Variants in XPR1 observed in about 807,000 individuals in gnomAD.
XPR1 encodes the protein xenotropic and polytropic retrovirus receptor 1, also known as solute carrier family 53 member 1.
Under a neutral mutation model 87.5 loss-of-function variants are expected in XPR1, and 28 were observed. The ratio of observed to expected loss-of-function variants is 0.32; its 90% CI spans 0.24 to 0.44. The LOEUF is 0.44. XPR1 is among the 20% of genes least tolerant of loss of function. The pLI, the probability that XPR1 is intolerant of heterozygous loss-of-function variation, is 1.00. For synonymous variants in XPR1, 300 were observed against 306.1 expected (o/e 0.98, Z 0.21); for missense variants, 559 against 862.3 (o/e 0.65, Z 4.41).
chr1:180,805,445 A>G (rs1380899630), intron 4 of XPR1, among the ~76,000 whole-genome samples: 5 of 152,244 alleles, frequency 3.3e-5, no homozygotes, highest in Admixed American at 1.3e-4. Flanking sequence ...TCTACCCATT[A>G]TAAACTGAAC....
At chr1:180,772,796 T>C (rs1648569892) in intron 2 of XPR1, among the ~76,000 whole-genome samples, 1 of 152,206 alleles carries the variant, frequency 6.6e-6, no homozygotes, top group Admixed American at 6.5e-5. Context: ...TCCTCAGCCA[T>C]GTGGAACTGT....
At position 180,641,605 on chromosome 1, in the gene XPR1, G is replaced by C. The variant is rs1654963637; in HGVS notation, c.69+9335G>C. ...TTTAGAATTGAGGTGAAATTTGCAT[G>C]TGTTATTAAGTATGTCTGAATGGCT... On this transcript the variant is annotated intron_variant, in intron 1 of 14. Transcript: ENST00000367590. Among the ~76,000 whole-genome samples the C allele has an allele frequency of 1.3e-5, 2 of 152,170 alleles. 1 individual carries two copies. The highest frequency in any genetic ancestry group is 4.1e-4 in the South Asian group (2 of 4,826).
At chr1:180,634,165 G>A (rs1654688584) in intron 1 of XPR1, among the ~76,000 whole-genome samples, 1 of 152,160 alleles carries the variant, frequency 6.6e-6, no homozygotes, top group African/African-American at 2.4e-5. Context: ...AATGTTTACT[G>A]TAGGTTGGTC....
At chr1:180,763,172 A>G (rs747367592) in intron 2 of XPR1, among the ~76,000 whole-genome samples, 7 of 152,354 alleles carry the variant, frequency 4.6e-5, no homozygotes, top group South Asian at 2.1e-4. Context: ...TTAATGAAGA[A>G]TAAATATAAA....
intron 2 of XPR1, among the ~76,000 whole-genome samples, chr1:180,781,168 T>A (rs1648921379): frequency 6.6e-6 from 1 of 150,882 alleles, no homozygotes; most frequent in Admixed American, 6.6e-5. Flanking sequence ...GGAGTGTTGT[T>A]TTTTTTTTAC....
intron 2 of XPR1, among the ~76,000 whole-genome samples, chr1:180,743,832 T>C (rs777860150): frequency 7.9e-5 from 12 of 152,202 alleles, no homozygotes; most frequent in Non-Finnish European, 1.5e-4. Flanking sequence ...GTCTGGACAT[T>C]TTGATGAAAA....
intron 1 of XPR1, 77 bp from the exon 2 acceptor site, chr1:180,682,281 AAG>A: frequency 8.5e-7 from 1 of 1,176,676 alleles, no homozygotes; most frequent in Non-Finnish European, 1.2e-6. Flanking sequence ...AATATTGAAA[AAG>A]AACTGTTTAG....
intron 2 of XPR1, among the ~76,000 whole-genome samples, chr1:180,782,579 G>GA (rs1648982375): frequency 6.6e-6 from 1 of 151,918 alleles, no homozygotes; most frequent in Non-Finnish European, 1.5e-5. Flanking sequence ...GGCAGTGGGG[G>GA]AATCTCTGGT....
chr1:180,805,782 T>C (rs1013574233), intron 4 of XPR1, among the ~76,000 whole-genome samples: 2 of 152,226 alleles, frequency 1.3e-5, no homozygotes, highest in African/African-American at 4.8e-5. Flanking sequence ...CAAAAACATT[T>C]TGAGCTTAGG....
intron 11 of XPR1, among the ~76,000 whole-genome samples, chr1:180,848,236 G>A (rs907441577): frequency 6.6e-6 from 1 of 152,126 alleles, no homozygotes; most frequent in Non-Finnish European, 1.5e-5. Flanking sequence ...TCATCCTACT[G>A]TGGTATAGAA....
At position 180,656,484 on chromosome 1, in the gene XPR1, T is replaced by TA. The variant is rs1284489222; in HGVS notation, c.69+24216dup. On this transcript the variant is annotated intron_variant, in intron 1 of 14. Coordinates refer to ENST00000367590, the MANE Select transcript of XPR1 (RefSeq NM_004736.4). Reference sequence around the variant, plus strand: ...ATATATAATATTTATACATTATATATAATATTTATATATTATATATAATAT... The same window carrying TA: ...ATATATAATATTTATACATTATATATAAATATTTATATATTATATATAATAT... Among the ~76,000 whole-genome samples, 5 of 47,516 alleles carry TA rather than the reference T, an allele frequency of 1.1e-4. 1 individual carries two copies. Among genetic ancestry groups the TA allele is most frequent in the African/African-American group, 6.9e-4 (5 of 7,266 alleles). The allele number at this position is 47,516 out of a possible 152,430, so 31.2% of individuals were successfully genotyped here.
intron 2 of XPR1, among the ~76,000 whole-genome samples, chr1:180,723,639 G>T (rs1432202904): frequency 2.0e-5 from 3 of 152,116 alleles, no homozygotes; most frequent in African/African-American, 7.2e-5. Context: ...TAATAAAATA[G>T]TCTCTTCCTT....
rs564804948 is a variant in XPR1, at chr1:180,835,795, G to T, written c.1307-727G>T. 8.5e-4 allele frequency among the ~76,000 whole-genome samples: 129 copies of T among 152,296 alleles called. 1 individual carries two copies. The highest frequency in any genetic ancestry group is 6.5e-3 in the Admixed American group (99 of 15,296). Reference sequence around the variant, plus strand: ...GGTGTACAAGAGAATGTGCTCTTGGGTGTCTTGTGTTGTGGTGGTTTGGAA... The same window carrying T: ...GGTGTACAAGAGAATGTGCTCTTGGTTGTCTTGTGTTGTGGTGGTTTGGAA... On this transcript the variant is annotated intron_variant, in intron 10 of 14. Coordinates refer to ENST00000367590, the MANE Select transcript of XPR1 (RefSeq NM_004736.4).
intron 13 of XPR1, among the ~76,000 whole-genome samples, chr1:180,877,460 T>A (rs944359613): frequency 3.3e-5 from 5 of 152,032 alleles, no homozygotes; most frequent in Non-Finnish European, 7.4e-5. Flanking sequence ...TGATATTGAG[T>A]CAACTGGATA....
chr1:180,765,917 A>G (rs533917509), intron 2 of XPR1, among the ~76,000 whole-genome samples: 1 of 151,944 alleles, frequency 6.6e-6, no homozygotes, highest in East Asian at 1.9e-4. Flanking sequence ...TTATGGTGCT[A>G]ACATATTTTT....
At chr1:180,833,583 A>G (rs1651156553) in intron 9 of XPR1, among the ~76,000 whole-genome samples, 1 of 152,234 alleles carries the variant, frequency 6.6e-6, no homozygotes, top group South Asian at 2.1e-4. Flanking sequence ...AGATCAAAAG[A>G]GACAAGGGCA....
At chr1:180,659,193 T>TCTTCCTTCCTTC (rs550840483) in intron 1 of XPR1, among the ~76,000 whole-genome samples, 2 of 79,948 alleles carry the variant, frequency 2.5e-5, no homozygotes, top group East Asian at 5.3e-4. Flanking sequence ...CTGTAGTCAG[T>TCTTCCTTCCTTC]CTTCCTTCCT....
intron 6 of XPR1, among the ~76,000 whole-genome samples, chr1:180,807,849 C>T (rs1296418349): frequency 6.6e-6 from 1 of 152,048 alleles, no homozygotes; most frequent in Non-Finnish European, 1.5e-5. Flanking sequence ...GACTAAAATA[C>T]AAAAATTAGC....
intron 11 of XPR1, among the ~76,000 whole-genome samples, chr1:180,859,971 G>C (rs916641567): frequency 6.6e-6 from 1 of 151,912 alleles, no homozygotes; most frequent in Non-Finnish European, 1.5e-5. Flanking sequence ...AAGAGAACTG[G>C]AATACAGAAT....
Sources: gnomAD v4.1 joint callset for allele counts (sites outside exome capture counted in the v4.1 genomes callset) on GRCh38, gnomAD v4.1.1 for gene constraint, MANE v1.5 for transcripts, NCBI Gene and HGNC (gene_info 2026-07-23, HGNC 2026-07-21) for gene names.